WBP1L: variants seen among roughly 807,000 people sequenced by gnomAD.
WBP1L encodes the protein WW domain binding protein 1 like.
In WBP1L, 17 loss-of-function variants were observed where a neutral mutation model predicts 33.7. The observed-to-expected ratio is 0.50, with a 90% confidence interval of 0.34 to 0.76. The LOEUF is 0.76. Among genes scored for constraint, WBP1L ranks in the 30% least tolerant of loss-of-function variants. The pLI is 0.01. For synonymous variants in WBP1L, 173 were observed against 190.8 expected (o/e 0.91, Z 0.77); for missense variants, 389 against 469.4 (o/e 0.83, Z 1.58).
At chr10:102,791,592 A>C (rs908571349) in intron 1 of WBP1L, among the ~76,000 whole-genome samples, 5 of 152,196 alleles carry the variant, frequency 3.3e-5, no homozygotes, top group African/African-American at 1.2e-4. Context: ...TGAGCCCAGG[A>C]GTTCAAGACC....
intron 1 of WBP1L, among the ~76,000 whole-genome samples, chr10:102,764,744 G>A (rs1379637302): frequency 1.3e-5 from 2 of 152,136 alleles, no homozygotes; most frequent in Non-Finnish European, 2.9e-5. Context: ...AGTAGATTTG[G>A]TTACCAAATA....
At chr10:102,777,292 C>T (rs1843278076) in intron 1 of WBP1L, among the ~76,000 whole-genome samples, 1 of 152,146 alleles carries the variant, frequency 6.6e-6, no homozygotes, top group Non-Finnish European at 1.5e-5. Flanking sequence ...CTGCCTGTTC[C>T]TGGGTGAGGA....
At position 102,770,385 on chromosome 10, in the gene WBP1L, C is replaced by A. The variant is rs75700229; in HGVS notation, c.90+26242C>A. On this transcript the variant is annotated intron_variant, in intron 1 of 3. Transcript: ENST00000448841. ...CTCAAAGCTCCTGGAAATAAAATGG[C>A]CTTACGCCTGGAGATTATCTCCTAC... Among the ~76,000 whole-genome samples, 524 of 152,290 alleles carry A rather than the reference C, an allele frequency of 3.4e-3. 3 individuals are homozygous for A. Among genetic ancestry groups the A allele is most frequent in the African/African-American group, 0.012 (501 of 41,544 alleles).
intron 3 of WBP1L, among the ~76,000 whole-genome samples, chr10:102,810,685 G>C (rs1304441561): frequency 6.8e-6 from 1 of 147,180 alleles, no homozygotes; most frequent in African/African-American, 2.5e-5. Context: ...TCCCGCCTCA[G>C]CCTCCAAAGT....
Position 102,786,110 on chromosome 10 carries a change from G to C in WBP1L, c.91-11883G>C, listed in dbSNP as rs114549901. On this transcript the variant is annotated intron_variant, in intron 1 of 3. Coordinates refer to ENST00000448841, the MANE Select transcript of WBP1L (RefSeq NM_001083913.2). ...AATTTTTTTGCTGGCTGCTCTGTTT[G>C]GGGGCTGTTTAATGAGGATGTAGTT... is the stretch of plus-strand genomic sequence containing the variant. Among the ~76,000 whole-genome samples the C allele has an allele frequency of 5.6e-3, 860 of 152,340 alleles. 8 individuals are homozygous for C. The highest frequency in any genetic ancestry group is 0.02 in the African/African-American group (815 of 41,572).
intron 1 of WBP1L, among the ~76,000 whole-genome samples, chr10:102,783,521 G>A (rs1843366698): frequency 6.6e-6 from 1 of 152,146 alleles, no homozygotes; most frequent in African/African-American, 2.4e-5. Context: ...GTGGTGGCAG[G>A]GAGTCTGTGA....
In WBP1L at chr10:102,744,115, C is replaced by T. The variant is rs545643421; in HGVS notation, c.62C>T (p.Pro21Leu). ...ALLLLQALPS[P>L]LSARAEPPQD... ...CTGCTCCTCCAGGCGCTGCCCAGCC[C>T]CTTGTCAGCCAGGGCTGAACCCCCG... The change falls in exon 1 of 4, where the codon CCC becomes CTC. Residue 21 changes from proline to leucine, a missense_variant. Coordinates refer to ENST00000448841, the MANE Select transcript of WBP1L (RefSeq NM_001083913.2). 1.8e-4 allele frequency: 284 copies of T among 1,552,886 alleles called. No individual in the cohort carries two copies. The highest frequency in any genetic ancestry group is 2.0e-4 in the Non-Finnish European group (234 of 1,148,130).
At chr10:102,798,289 T>C (rs1165473118) in intron 2 of WBP1L, among the ~76,000 whole-genome samples, 194 bp downstream of exon 2, 1 of 152,224 alleles carries the variant, frequency 6.6e-6, no homozygotes, top group Non-Finnish European at 1.5e-5. Flanking sequence ...CTTTGTTAGC[T>C]GAAGACTAGA....
intron 2 of WBP1L, among the ~76,000 whole-genome samples, chr10:102,808,719 T>C (rs1051527712): frequency 5.3e-5 from 8 of 152,232 alleles, no homozygotes; most frequent in African/African-American, 1.9e-4. Flanking sequence ...CCTCTAACTT[T>C]AGTGATTCTT....
At chr10:102,754,320 A>G (rs1488053574) in intron 1 of WBP1L, among the ~76,000 whole-genome samples, 1 of 152,234 alleles carries the variant, frequency 6.6e-6, no homozygotes, top group Admixed American at 6.5e-5. Flanking sequence ...AACCTACCCC[A>G]GTATGATTTG....
rs1843864161 is a variant in WBP1L, at chr10:102,812,782, C to G, written c.543C>G (p.Pro181=). ...GATCCCAGGGGGCACAGAGCAGCCC[C>G]TTGTCTGAGCCCAGCAGAAGCAGCA... ...TRGSQGAQSS[P]LSEPSRSSTR... is the part of the protein sequence containing the mutation. The change falls in exon 4 of 4, where the codon CCC becomes CCG. Residue 181 remains proline, a synonymous_variant. Transcript: ENST00000448841. The G allele has an allele frequency of 6.2e-7, 1 of 1,609,212 alleles. No individual in the cohort carries two copies. Among genetic ancestry groups the G allele is most frequent in the Non-Finnish European group, 8.5e-7 (1 of 1,178,000 alleles).
intron 1 of WBP1L, 49 bp from the exon 2 acceptor site, chr10:102,797,944 G>A (rs913840663): frequency 1.3e-6 from 2 of 1,523,670 alleles, no homozygotes; most frequent in African/African-American, 1.4e-5. Context: ...GAAGGAAAGT[G>A]TTCAAAAGCT....
intron 1 of WBP1L, among the ~76,000 whole-genome samples, chr10:102,766,462 AG>A (rs1843111771): frequency 6.8e-6 from 1 of 146,388 alleles, no homozygotes; most frequent in Non-Finnish European, 1.5e-5. Context: ...AAAAAAAAAA[AG>A]GAAAAAAAAT....
intron 2 of WBP1L, among the ~76,000 whole-genome samples, chr10:102,807,033 A>G (rs977891971): frequency 2.0e-5 from 3 of 152,080 alleles, no homozygotes; most frequent in Non-Finnish European, 2.9e-5. Flanking sequence ...GATTTAACTC[A>G]TTCTGACAAG....
chr10:102,797,264 T>C (rs1428897830), intron 1 of WBP1L, among the ~76,000 whole-genome samples: 1 of 152,200 alleles, frequency 6.6e-6, no homozygotes, highest in Non-Finnish European at 1.5e-5. Context: ...TACATACCGC[T>C]TTAATTATTC....
chr10:102,768,863 A>AT (rs1200437592), intron 1 of WBP1L, among the ~76,000 whole-genome samples: 1 of 143,958 alleles, frequency 6.9e-6, no homozygotes, highest in African/African-American at 2.6e-5. Context: ...AATTTTTTGT[A>AT]TTTTTTAGTA....
chr10:102,752,502 T>C (rs1842934096), intron 1 of WBP1L, among the ~76,000 whole-genome samples: 1 of 152,200 alleles, frequency 6.6e-6, no homozygotes, highest in South Asian at 2.1e-4. Flanking sequence ...TTTTTTGATT[T>C]GTGATTCAGT....
rs1843941165 is a variant in WBP1L, at chr10:102,816,176, G to C, written c.*2845G>C. 6.5e-6 allele frequency: 1 copy of C among 152,680 alleles called. No homozygotes were observed. Among genetic ancestry groups the C allele is most frequent in the African/African-American group, 2.4e-5 (1 of 41,460 alleles). 9.5% of individuals were successfully genotyped at this position (152,680 alleles called of 1,614,324 possible). On this transcript the variant is annotated 3_prime_UTR_variant, in exon 4 of 4. Coordinates refer to ENST00000448841, the MANE Select transcript of WBP1L (RefSeq NM_001083913.2). Reference sequence around the variant, plus strand: ...GGTCAGACTTTTCTGGGCAGTCTCAGTGACGCATTTCCTGTGCTGTGATTG... The same window carrying C: ...GGTCAGACTTTTCTGGGCAGTCTCACTGACGCATTTCCTGTGCTGTGATTG...
chr10:102,791,607 T>C (rs1328013706), intron 1 of WBP1L, among the ~76,000 whole-genome samples: 1 of 152,180 alleles, frequency 6.6e-6, no homozygotes, highest in Non-Finnish European at 1.5e-5. Context: ...AAGACCAGCC[T>C]GGGCAACATG....
Sources: gnomAD v4.1 joint callset for allele counts (sites outside exome capture counted in the v4.1 genomes callset) on GRCh38, gnomAD v4.1.1 for gene constraint, MANE v1.5 for transcripts, NCBI Gene and HGNC (gene_info 2026-07-23, HGNC 2026-07-21) for gene names.